Variants in TSPAN9 observed in about 807,000 individuals in gnomAD.
TSPAN9 encodes the protein tetraspanin 9.
TSPAN9 carries 16 observed loss-of-function variants against 31.0 expected under a neutral mutation model. The ratio of observed to expected loss-of-function variants is 0.52; its 90% CI spans 0.35 to 0.78. The LOEUF is 0.78. TSPAN9 is among the 30% of genes least tolerant of loss of function. The pLI, the probability that TSPAN9 is intolerant of heterozygous loss-of-function variation, is 0.01. For missense variants in TSPAN9, 272 were observed against 312.5 expected (o/e 0.87, Z 0.98); for synonymous variants, 145 against 121.6 (o/e 1.19, Z -1.27).
At chr12:3,096,157 A>T (rs1210609595) in intron 2 of TSPAN9, among the ~76,000 whole-genome samples, 1 of 152,196 alleles carries the variant, frequency 6.6e-6, no homozygotes, top group Non-Finnish European at 1.5e-5. Context: ...TTAAATGTTC[A>T]AAATCAATAA....
intron 2 of TSPAN9, among the ~76,000 whole-genome samples, chr12:3,119,214 A>G (rs964416855): frequency 6.6e-6 from 1 of 152,196 alleles, no homozygotes; most frequent in African/African-American, 2.4e-5. Flanking sequence ...ATAAGATACC[A>G]GGAGGGAAGT....
chr12:3,243,228 CGTT>C (rs1565629033), intron 3 of TSPAN9, among the ~76,000 whole-genome samples: 1 of 152,186 alleles, frequency 6.6e-6, no homozygotes, highest in African/African-American at 2.4e-5. Flanking sequence ...TTCCCCATCT[CGTT>C]GTCTGCTGGA....
chr12:3,118,714 C>T (rs1010886397), intron 2 of TSPAN9, among the ~76,000 whole-genome samples: 1 of 152,192 alleles, frequency 6.6e-6, no homozygotes, highest in Non-Finnish European at 1.5e-5. Flanking sequence ...CCCAGTGGGT[C>T]TCTCCCACTC....
chr12:3,226,773 TATATATATATATA>T (rs2098387871), intron 3 of TSPAN9, among the ~76,000 whole-genome samples: 2 of 5,486 alleles, frequency 3.6e-4, no homozygotes, highest in African/African-American at 6.0e-4. Context: ...TATATATATA[TATATATATATATA>T]TATATATATT....
At chr12:3,188,198 C>T (rs952085096) in intron 2 of TSPAN9, among the ~76,000 whole-genome samples, 8 of 152,144 alleles carry the variant, frequency 5.3e-5, no homozygotes, top group Non-Finnish European at 8.8e-5. Flanking sequence ...CACTTAACCC[C>T]ATTATACTGA....
At chr12:3,197,849 G>C (rs1401419507) in intron 2 of TSPAN9, among the ~76,000 whole-genome samples, 3 of 26,450 alleles carry the variant, frequency 1.1e-4, no homozygotes, top group African/African-American at 1.7e-4. Flanking sequence ...ACCAGCACAG[G>C]TCACCAGCAC....
intron 3 of TSPAN9, among the ~76,000 whole-genome samples, chr12:3,275,690 G>A (rs1417680199): frequency 6.6e-6 from 1 of 152,250 alleles, no homozygotes. Flanking sequence ...CCAGTTGGGC[G>A]ATGCTGTGGG....
chr12:3,275,935 C>T (rs1862777401), intron 3 of TSPAN9, among the ~76,000 whole-genome samples: 1 of 152,246 alleles, frequency 6.6e-6, no homozygotes, highest in Non-Finnish European at 1.5e-5. Flanking sequence ...TTATCAAAAT[C>T]CTATTCATTC....
At chr12:3,210,954 C>A (rs2098378357) in intron 3 of TSPAN9, among the ~76,000 whole-genome samples, 1 of 152,094 alleles carries the variant, frequency 6.6e-6, no homozygotes, top group African/African-American at 2.4e-5. Flanking sequence ...CTATGTTGTC[C>A]AGGCTGGTCT....
In TSPAN9 at chr12:3,118,262, T is replaced by TG. The variant is rs1565582031; in HGVS notation, c.-18+34543_-18+34544insG. Among the ~76,000 whole-genome samples the TG allele has an allele frequency of 4.4e-4, 38 of 85,454 alleles. 1 individual carries two copies. The highest frequency in any genetic ancestry group is 7.9e-4 in the African/African-American group (14 of 17,816). The allele number at this position is 85,454 out of a possible 152,430, so 56.1% of individuals were successfully genotyped here. On this transcript the variant is annotated intron_variant, in intron 2 of 8. Transcript: ENST00000011898. Reference sequence around the variant, plus strand: ...CACCGCCCCTGCACCCGCCGTTTTTTTTTTTTTTTTTTTTTTTTGAGATGG... The same window carrying TG: ...CACCGCCCCTGCACCCGCCGTTTTTTGTTTTTTTTTTTTTTTTTTGAGATGG...
intron 2 of TSPAN9, among the ~76,000 whole-genome samples, chr12:3,150,621 G>C (rs913802345): frequency 1.3e-5 from 2 of 152,188 alleles, no homozygotes; most frequent in African/African-American, 4.8e-5. Context: ...CTCTGCCGTT[G>C]TATTTGGTGT....
chr12:3,106,945 G>A (rs1230730937), intron 2 of TSPAN9, among the ~76,000 whole-genome samples: 2 of 152,198 alleles, frequency 1.3e-5, no homozygotes, highest in African/African-American at 2.4e-5. Flanking sequence ...GGGCCCTGGG[G>A]ATGGAGGGTG....
chr12:3,256,629 G>T (rs1862351644), intron 3 of TSPAN9, among the ~76,000 whole-genome samples: 1 of 152,214 alleles, frequency 6.6e-6, no homozygotes, highest in African/African-American at 2.4e-5. Context: ...CTTGAGCTGG[G>T]TGCTAATCTC....
chr12:3,177,055 AGGAGATG>A lies in TSPAN9; in HGVS notation c.-17-24121_-17-24115del, dbSNP rs527477281. ...GGAGTGGGGAGGTGGTGGGACCCCC[AGGAGATG>A]CGCCACACTCTTGCCAGCATTGAGT... On this transcript the variant is annotated intron_variant, in intron 2 of 8. Coordinates refer to ENST00000011898, the MANE Select transcript of TSPAN9 (RefSeq NM_006675.5). 2.2e-4 allele frequency among the ~76,000 whole-genome samples: 33 copies of A among 152,350 alleles called. 1 individual carries two copies. The South Asian group carries it at 6.4e-3, about 30-fold the overall frequency.
chr12:3,256,757 A>G (rs1233798868), intron 3 of TSPAN9, among the ~76,000 whole-genome samples: 1 of 152,118 alleles, frequency 6.6e-6, no homozygotes, highest in African/African-American at 2.4e-5. Context: ...CATTGCCTAC[A>G]AGACAGCAGG....
At chr12:3,127,895 G>A (rs2098328074) in intron 2 of TSPAN9, among the ~76,000 whole-genome samples, 1 of 152,116 alleles carries the variant, frequency 6.6e-6, no homozygotes, top group African/African-American at 2.4e-5. Flanking sequence ...GTATTAGCTG[G>A]GACTACAGGC....
intron 2 of TSPAN9, among the ~76,000 whole-genome samples, chr12:3,181,680 C>T (rs529081086): frequency 1.3e-5 from 2 of 152,230 alleles, no homozygotes; most frequent in African/African-American, 4.8e-5. Flanking sequence ...AGTGACACGC[C>T]CAAAGTCACA....
At chr12:3,159,099 A>C (rs1423145479) in intron 2 of TSPAN9, among the ~76,000 whole-genome samples, 1 of 151,738 alleles carries the variant, frequency 6.6e-6, no homozygotes, top group Non-Finnish European at 1.5e-5. Context: ...ACATGATCTA[A>C]GTTCTTAGGC....
In TSPAN9 at chr12:3,263,716, C is replaced by A. The variant is rs1213810201; in HGVS notation, c.64-14705C>A. Among the ~76,000 whole-genome samples the A allele has an allele frequency of 1.6e-5, 2 of 123,754 alleles. 1 individual carries two copies. Among genetic ancestry groups the A allele is most frequent in the African/African-American group, 5.0e-5 (2 of 40,198 alleles). The allele number at this position is 123,754 out of a possible 152,430, so 81.2% of individuals were successfully genotyped here. On this transcript the variant is annotated intron_variant, in intron 3 of 8. Coordinates refer to ENST00000011898, the MANE Select transcript of TSPAN9 (RefSeq NM_006675.5). ...GTCTGAAGGGAGGCAGGACAGGCAC[C>A]CGGCAAAGTCAGTACTAACAAGGCA...
Sources: gnomAD v4.1 joint callset for allele counts (sites outside exome capture counted in the v4.1 genomes callset) on GRCh38, gnomAD v4.1.1 for gene constraint, MANE v1.5 for transcripts, NCBI Gene and HGNC (gene_info 2026-07-23, HGNC 2026-07-21) for gene names.